Variants in DCHS2 observed in about 807,000 individuals in gnomAD.
DCHS2 encodes the protein dachsous cadherin-related 2.
In DCHS2, 142 loss-of-function variants were observed where a neutral mutation model predicts 182.4. The ratio of observed to expected loss-of-function variants is 0.78; its 90% CI spans 0.68 to 0.89. The LOEUF (loss-of-function observed/expected upper bound fraction) is 0.89. Ranked by LOEUF, DCHS2 falls within the 40% of genes least tolerant of loss-of-function variation. The pLI, the probability that DCHS2 is intolerant of heterozygous loss-of-function variation, is 0.00. For missense variants in DCHS2, 4,319 were observed against 4,198.6 expected (o/e 1.03, Z -0.79); for synonymous variants, 1,740 against 1,663.3 (o/e 1.05, Z -1.12).
At chr4:154,379,176 A>G (rs1731057296) in intron 1 of DCHS2, among the ~76,000 whole-genome samples, 1 of 152,216 alleles carries the variant, frequency 6.6e-6, no homozygotes, top group Non-Finnish European at 1.5e-5. Flanking sequence ...AAATGGAAAA[A>G]AAAGGAGCAA....
At chr4:154,423,400 C>G (rs1733191296) in intron 1 of DCHS2, among the ~76,000 whole-genome samples, 1 of 152,180 alleles carries the variant, frequency 6.6e-6, no homozygotes, top group Admixed American at 6.5e-5. Flanking sequence ...CTTTTTATGA[C>G]CCCCAAATTA....
At chr4:154,401,994 T>C (rs1310541839) in intron 1 of DCHS2, among the ~76,000 whole-genome samples, 1 of 152,160 alleles carries the variant, frequency 6.6e-6, no homozygotes, top group African/African-American at 2.4e-5. Context: ...AAAAGTGCAA[T>C]GGTATTCTGC....
chr4:154,276,688 A>G (rs920496327), intron 13 of DCHS2, among the ~76,000 whole-genome samples: 3 of 152,232 alleles, frequency 2.0e-5, no homozygotes, highest in South Asian at 4.1e-4. Flanking sequence ...CTGGAGTGAC[A>G]TTAGCAAGAT....
intron 17 of DCHS2, 110 bp from the exon 18 acceptor site, chr4:154,240,933 C>T: frequency 6.9e-7 from 1 of 1,442,080 alleles, no homozygotes; most frequent in Non-Finnish European, 9.2e-7. Context: ...ATGATTTGCT[C>T]TTTCTTGGCT....
chr4:154,329,740 G>GT, intron 5 of DCHS2, 30 bp from the exon 6 acceptor site: 1 of 1,584,616 alleles, frequency 6.3e-7, no homozygotes, highest in Non-Finnish European at 8.6e-7. Context: ...ACAAGACACA[G>GT]GCACTGTGTA....
At chr4:154,313,787 G>T (rs533466980) in intron 10 of DCHS2, among the ~76,000 whole-genome samples, 2 of 152,208 alleles carry the variant, frequency 1.3e-5, no homozygotes, top group East Asian at 1.9e-4. Context: ...AATATGTAAG[G>T]TTACATGAGA....
At chr4:154,352,370 C>A (rs1172730825) in intron 3 of DCHS2, 2 of 152,102 alleles carry the variant, frequency 1.3e-5, no homozygotes, top group Non-Finnish European at 1.5e-5. Context: ...TAGCCACCCC[C>A]TCTAATCGCA....
chr4:154,372,028 A>G (rs981504727), intron 2 of DCHS2, among the ~76,000 whole-genome samples: 23 of 152,162 alleles, frequency 1.5e-4, no homozygotes, highest in African/African-American at 5.3e-4. Context: ...CAGGGTGGGG[A>G]GGAGAATATG....
chr4:154,431,886 C>G (rs1410693349), intron 1 of DCHS2, among the ~76,000 whole-genome samples: 1 of 152,108 alleles, frequency 6.6e-6, no homozygotes, highest in African/African-American at 2.4e-5. Context: ...TTCCAATGAA[C>G]ATTTAAAAAA....
rs1271723601 is a variant in DCHS2, at chr4:154,366,446, T to G, written c.2245-5A>C. On this transcript the variant is annotated splice_polypyrimidine_tract_variant and splice_region_variant and intron_variant, in intron 2 of 19. Coordinates refer to ENST00000357232, the MANE Select transcript of DCHS2 (RefSeq NM_001358235.2). ...GGCTTGGGCACTTAGCCCACCCTGG[T>G]GGATGAATGAGTGGTGATTACAAAT... The G allele has an allele frequency of 6.2e-7, 1 of 1,602,590 alleles. No homozygotes were observed. The highest frequency in any genetic ancestry group is 1.3e-5 in the African/African-American group (1 of 74,810).
intron 3 of DCHS2, among the ~76,000 whole-genome samples, chr4:154,356,038 A>T (rs11729614): frequency 0.3 from 46,070 of 151,900 alleles, 7,600 homozygotes; most frequent in East Asian, 0.44. Flanking sequence ...CAGGTCCTTC[A>T]GGAGATATTT....
At position 154,236,752 on chromosome 4, in the gene DCHS2, C is replaced by A; in HGVS notation, c.7900G>T (p.Val2634Phe). 10 of 1,613,984 alleles carry A rather than the reference C, an allele frequency of 6.2e-6. No individual in the cohort carries two copies. The highest frequency in any genetic ancestry group is 8.5e-6 in the Non-Finnish European group (10 of 1,179,950). ...DREASASHEL[V>F]ILASDSGCPP... ...CAGCCACTGTCAGATGCCAGAATGA[C>A]AAGCTCATGGCTAGCACTTGCTTCT... Residue 2634 changes from valine (V) to phenylalanine (F), a missense_variant, in exon 20 of 20, where the codon GTC becomes TTC. Val to Phe is a conservative substitution (Grantham distance 50). Transcript: ENST00000357232.
At chr4:154,293,991 A>G (rs911437905) in intron 13 of DCHS2, among the ~76,000 whole-genome samples, 3 of 152,016 alleles carry the variant, frequency 2.0e-5, no homozygotes, top group Non-Finnish European at 4.4e-5. Context: ...TTGTGCATAT[A>G]TATGCCTTTT....
chr4:154,367,856 G>A (rs1274612585), intron 2 of DCHS2, among the ~76,000 whole-genome samples: 2 of 152,146 alleles, frequency 1.3e-5, no homozygotes, highest in African/African-American at 2.4e-5. Context: ...GACAGGGAGA[G>A]AGGGAGGGCA....
chr4:154,347,936 A>G (rs1437441369), intron 3 of DCHS2, among the ~76,000 whole-genome samples: 6 of 151,958 alleles, frequency 3.9e-5, no homozygotes, highest in Non-Finnish European at 8.8e-5. Flanking sequence ...CCAGTCCTGG[A>G]TAGATGTATA....
At chr4:154,318,492 AC>A (rs1735939697) in intron 9 of DCHS2, among the ~76,000 whole-genome samples, 1 of 151,980 alleles carries the variant, frequency 6.6e-6, no homozygotes, top group African/African-American at 2.4e-5. Context: ...CCACCAAAAA[AC>A]TGTTAGAACA....
At chr4:154,266,104 T>C (rs1238709123) in intron 14 of DCHS2, among the ~76,000 whole-genome samples, 5 of 152,202 alleles carry the variant, frequency 3.3e-5, no homozygotes, top group South Asian at 2.1e-4. Context: ...CTTGTGATGA[T>C]GTGAGATGAC....
intron 1 of DCHS2, among the ~76,000 whole-genome samples, chr4:154,415,871 C>T (rs1732812614): frequency 2.0e-5 from 3 of 152,110 alleles, no homozygotes; most frequent in Non-Finnish European, 4.4e-5. Context: ...CATAAATTCA[C>T]TTAAATAAGT....
At chr4:154,372,519 T>G (rs1730689715) in intron 2 of DCHS2, among the ~76,000 whole-genome samples, 1 of 152,132 alleles carries the variant, frequency 6.6e-6, no homozygotes, top group African/African-American at 2.4e-5. Context: ...TGAAATAGCT[T>G]TATCTCAAAC....
Sources: gnomAD v4.1 joint callset for allele counts (sites outside exome capture counted in the v4.1 genomes callset) on GRCh38, gnomAD v4.1.1 for gene constraint, MANE v1.5 for transcripts, NCBI Gene and HGNC (gene_info 2026-07-23, HGNC 2026-07-21) for gene names.